Variants in FAM111B observed in about 807,000 individuals in gnomAD.
FAM111B encodes serine protease FAM111B.
Under a neutral mutation model 2.8 loss-of-function variants are expected in FAM111B, and 1 was observed. The ratio of observed to expected loss-of-function variants is 0.36; its 90% confidence interval spans 0.13 to 1.70. FAM111B has a LOEUF of 1.70. FAM111B is among the 40% of genes most tolerant of loss of function. The pLI, the probability that FAM111B is intolerant of heterozygous loss-of-function variation, is 0.35. For missense variants in FAM111B, 882 were observed against 878.9 expected (o/e 1.00, Z -0.04); for synonymous variants, 297 against 295.6 (o/e 1.00, Z -0.05).
intron 3 of FAM111B, among the ~76,000 whole-genome samples, chr11:59,120,958 A>C (rs1859911619): frequency 6.6e-6 from 1 of 152,154 alleles, no homozygotes; most frequent in Admixed American, 6.5e-5. Context: ...TCGCTGGAGT[A>C]ATTAGTTATC....
Position 59,125,285 on chromosome 11 carries a change from A to T in FAM111B, c.1188A>T (p.Glu396Asp), listed in dbSNP as rs1348837795. The change falls in exon 4 of 4, where the codon GAA becomes GAT. Residue 396 changes from glutamate (E) to aspartate (D), a missense_variant. Physicochemically the swap from Glu to Asp is conservative, Grantham distance 45. Transcript: ENST00000343597. ...NLLKNYQTLNEAIMHQYPNFK... is the reference protein window; with the variant it reads ...NLLKNYQTLNDAIMHQYPNFK... The stretch of plus-strand genomic sequence containing the variant: ...TAAAGAATTATCAAACGTTGAATGA[A>T]GCCATAATGCATCAGTATCCGAATT... 1 of 1,613,976 alleles carries T rather than the reference A, an allele frequency of 6.2e-7. No individual in the cohort carries two copies. Among genetic ancestry groups the T allele is most frequent in the Admixed American group, 1.7e-5 (1 of 60,004 alleles).
At chr11:59,110,035 A>G (rs529534946) in intron 3 of FAM111B, 1 of 169,228 alleles carries the variant, frequency 5.9e-6, no homozygotes, top group Admixed American at 6.1e-5. Context: ...CATATGTATT[A>G]TCTCATTTAA....
chr11:59,118,598 A>G (rs1464528091), intron 3 of FAM111B, among the ~76,000 whole-genome samples: 4 of 152,184 alleles, frequency 2.6e-5, no homozygotes. Context: ...CACAATGGTG[A>G]AGAGATTCTG....
intron 3 of FAM111B, among the ~76,000 whole-genome samples, chr11:59,111,610 GA>G (rs1859759585): frequency 6.6e-6 from 1 of 152,108 alleles, no homozygotes; most frequent in African/African-American, 2.4e-5. Flanking sequence ...ATCAAATAAT[GA>G]AAAAGGTCAA....
chr11:59,116,908 C>A (rs894317718), intron 3 of FAM111B, among the ~76,000 whole-genome samples: 1 of 152,212 alleles, frequency 6.6e-6, no homozygotes, highest in Non-Finnish European at 1.5e-5. Context: ...CGTGAGAGGT[C>A]ATGGGCAAAG....
chr11:59,114,221 C>T (rs903548304), intron 3 of FAM111B, among the ~76,000 whole-genome samples: 28 of 152,094 alleles, frequency 1.8e-4, no homozygotes, highest in Non-Finnish European at 5.9e-5. Flanking sequence ...CCTGAGTGAT[C>T]ACTGTAGCTG....
In FAM111B at chr11:59,125,226, A is replaced by G; in HGVS notation, c.1129A>G (p.Asn377Asp). ...RPHLGRRYAI[N>D]LDVQKEAINL... ...GCATCTGGGTAGGCGGTATGCTATT[A>G]ATCTGGATGTCCAAAAGGAGGCAAT... is the stretch of plus-strand genomic sequence containing the variant. Residue 377 changes from asparagine (N) to aspartate (D), a missense_variant, in exon 4 of 4, where the codon AAT (asparagine) becomes GAT (aspartate). Transcript: ENST00000343597. 8 of 1,613,978 alleles carry G rather than the reference A, an allele frequency of 5.0e-6. No individual in the cohort carries two copies. Among genetic ancestry groups the G allele is most frequent in the Non-Finnish European group, 5.9e-6 (7 of 1,179,868 alleles).
rs746924852 is a variant in FAM111B, at chr11:59,125,213, G to A, written c.1116G>A (p.Arg372=). 1 of 1,613,968 alleles carries A rather than the reference G, an allele frequency of 6.2e-7. No individual in the cohort carries two copies. The highest frequency in any genetic ancestry group is 1.1e-5 in the South Asian group (1 of 91,064). Residue 372 remains arginine, a synonymous_variant, in exon 4 of 4, where the codon AGG becomes AGA. Transcript: ENST00000343597. ...SQVRRRPHLG[R]RYAINLDVQK... ...TTAGACGGAGGCCGCATCTGGGTAGGCGGTATGCTATTAATCTGGATGTCC... is the reference window on the plus strand; with the variant it reads ...TTAGACGGAGGCCGCATCTGGGTAGACGGTATGCTATTAATCTGGATGTCC...
At position 59,125,327 on chromosome 11, in the gene FAM111B, G is replaced by A. The variant is rs1299907036; in HGVS notation, c.1230G>A (p.Gln410=). 6.2e-7 allele frequency: 1 copy of A among 1,614,000 alleles called. No homozygotes were observed. Among genetic ancestry groups the A allele is most frequent in the Non-Finnish European group, 8.5e-7 (1 of 1,179,874 alleles). The change falls in exon 4 of 4, where the codon CAG becomes CAA. Residue 410 remains glutamine, a synonymous_variant. Transcript: ENST00000343597. ...HQYPNFKEEA[Q]WVRKYFREEQ... ...ATCCGAATTTTAAAGAGGAGGCACAGTGGGTAAGAAAATATTTTCGGGAAG... is the reference window on the plus strand; with the variant it reads ...ATCCGAATTTTAAAGAGGAGGCACAATGGGTAAGAAAATATTTTCGGGAAG...
intron 3 of FAM111B, among the ~76,000 whole-genome samples, chr11:59,115,937 G>A (rs1859834208): frequency 6.6e-6 from 1 of 152,136 alleles, no homozygotes; most frequent in South Asian, 2.1e-4. Context: ...CAGCGGGTGT[G>A]GAAAAATGCA....
In FAM111B at chr11:59,124,988, T is replaced by A; in HGVS notation, c.891T>A (p.Ser297Arg). The A allele has an allele frequency of 6.2e-7, 1 of 1,610,696 alleles. No individual in the cohort carries two copies. Reference sequence around the variant, plus strand: ...CCACTGATGAAATTAATCACCAGAGTCTGATACAGTCTAAGAAAAAAGTCC... The same window carrying A: ...CCACTGATGAAATTAATCACCAGAGACTGATACAGTCTAAGAAAAAAGTCC... ...ESATDEINHQ[S>R]LIQSKKKVHK... Residue 297 changes from serine (S) to arginine (R), a missense_variant, in exon 4 of 4, where the codon AGT (serine) becomes AGA (arginine). Transcript: ENST00000343597.
chr11:59,114,530 C>G (rs1859810480), intron 3 of FAM111B, among the ~76,000 whole-genome samples: 1 of 152,106 alleles, frequency 6.6e-6, no homozygotes, highest in Non-Finnish European at 1.5e-5. Context: ...AGAGAGGGAG[C>G]AGAAATGACA....
intron 3 of FAM111B, among the ~76,000 whole-genome samples, chr11:59,123,561 A>G (rs759776832): frequency 3.3e-5 from 5 of 152,222 alleles, no homozygotes; most frequent in African/African-American, 4.8e-5. Context: ...GTTTGTAGGA[A>G]GTTTTGTCAT....
chr11:59,124,390 C>A lies in FAM111B; in HGVS notation c.293C>A (p.Thr98Lys). The change falls in exon 4 of 4, where the codon ACA becomes AAA. Residue 98 changes from threonine (T) to lysine (K), a missense_variant. Physicochemically the swap from Thr to Lys is moderately conservative, Grantham distance 78 (BLOSUM62 -1). Transcript: ENST00000343597. ...NSRKLDRSVF[T>K]AYGKPSESIY... ...AGAAAATTAGACCGTAGTGTGTTTACAGCATATGGTAAACCCAGCGAGAGT... is the reference window on the plus strand; with the variant it reads ...AGAAAATTAGACCGTAGTGTGTTTAAAGCATATGGTAAACCCAGCGAGAGT... 4 of 1,613,688 alleles carry A rather than the reference C, an allele frequency of 2.5e-6. No homozygotes were observed. Among genetic ancestry groups the A allele is most frequent in the Non-Finnish European group, 3.4e-6 (4 of 1,179,824 alleles).
chr11:59,116,503 G>A (rs374579920), intron 3 of FAM111B, among the ~76,000 whole-genome samples: 10 of 152,194 alleles, frequency 6.6e-5, no homozygotes, highest in South Asian at 2.1e-4. Context: ...ACATTCAAAA[G>A]AGCCAGGTCC....
At chr11:59,109,272 T>A (rs1443411210) in intron 2 of FAM111B, among the ~76,000 whole-genome samples, 3 of 152,184 alleles carry the variant, frequency 2.0e-5, no homozygotes, top group Admixed American at 1.3e-4. Flanking sequence ...TGTGGCTGTC[T>A]TCTCCCTAGT....
rs770994232 is a variant in FAM111B at position 59,125,504 on chromosome 11, T to G, written c.1407T>G (p.Asn469Lys). The change falls in exon 4 of 4, where the codon AAT becomes AAG. Residue 469 changes from asparagine to lysine, a missense_variant. Transcript: ENST00000343597. Reference protein sequence around the residue: ...KSVGFMQWDNNGNTGNATCFV... With the variant: ...KSVGFMQWDNKGNTGNATCFV... ...TTGGGTTCATGCAATGGGACAATAA[T>G]GGAAACACAGGTAATGCTACTTGCT... 105 of 1,613,888 alleles carry G rather than the reference T, an allele frequency of 6.5e-5. No individual in the cohort carries two copies. The highest frequency in any genetic ancestry group is 8.6e-5 in the Non-Finnish European group (101 of 1,179,864).
At position 59,125,780 on chromosome 11, in the gene FAM111B, A is replaced by G; in HGVS notation, c.1683A>G (p.Leu561=). The change falls in exon 4 of 4, where the codon CTA becomes CTG. Residue 561 remains leucine (L), a synonymous_variant. Transcript: ENST00000343597. ...KENGNAFPPG[L]WRQISPQPST... ...ATGGAAATGCGTTTCCTCCAGGACT[A>G]TGGCGACAGATTTCTCCTCAACCAT... 3.1e-6 allele frequency: 5 copies of G among 1,613,906 alleles called. No homozygotes were observed. In the South Asian group the frequency reaches 4.4e-5, roughly 14 times the overall value.
chr11:59,116,007 C>A, intron 3 of FAM111B, among the ~76,000 whole-genome samples: 1 of 152,110 alleles, frequency 6.6e-6, no homozygotes, highest in East Asian at 1.9e-4. Flanking sequence ...ATTTACCTCC[C>A]GGTGCATTAT....
Sources: gnomAD v4.1 joint callset for allele counts (sites outside exome capture counted in the v4.1 genomes callset) on GRCh38, gnomAD v4.1.1 for gene constraint, MANE v1.5 for transcripts, NCBI Gene and HGNC (gene_info 2026-07-23, HGNC 2026-07-21) for gene names.